The following LDAH variants were observed in gnomAD, a reference collection of about 807,000 sequenced individuals.
LDAH encodes lipid droplet-associated hydrolase.
A neutral mutation model predicts 29.6 loss-of-function variants in LDAH; 26 were observed. That is an observed-to-expected ratio of 0.88 (90% confidence interval 0.64 to 1.22). The LOEUF (loss-of-function observed/expected upper bound fraction) is 1.22, where lower values mean the gene tolerates loss of function less well. Among genes scored for constraint, LDAH ranks in the 50% most tolerant of loss-of-function variants. The pLI, the probability that LDAH is intolerant of heterozygous loss-of-function variation, is 0.00. For missense variants in LDAH, 344 were observed against 387.3 expected, an observed-to-expected ratio of 0.89 and a Z score of 0.94; for synonymous variants, 117 against 133.0, an observed-to-expected ratio of 0.88 and a Z score of 0.83.
intron 2 of LDAH, among the ~76,000 whole-genome samples, chr2:20,800,652 GA>G (rs1471668480): frequency 1.3e-5 from 2 of 150,550 alleles, no homozygotes; most frequent in Admixed American, 6.6e-5. Context: ...ATATTTTTTT[GA>G]GACGGAGTCT....
intron 5 of LDAH, among the ~76,000 whole-genome samples, chr2:20,727,855 A>G (rs1572489721): frequency 6.6e-6 from 1 of 152,218 alleles, no homozygotes; most frequent in East Asian, 1.9e-4. Context: ...AATGACATTG[A>G]TGAACACTGT....
rs184259485 is a variant in LDAH, at chr2:20,754,163, C to T, written c.469-13958G>A. 2.3e-3 allele frequency among the ~76,000 whole-genome samples: 349 copies of T among 152,008 alleles called. 3 individuals carry two copies. The highest frequency in any genetic ancestry group is 7.9e-3 in the African/African-American group (329 of 41,450). Reference sequence around the variant, plus strand: ...ATTGACATGAAAAAAAAGTGCCTCCCCATAGACTCTTTATTCATTGCTAAG... The same window carrying T: ...ATTGACATGAAAAAAAAGTGCCTCCTCATAGACTCTTTATTCATTGCTAAG... On this transcript the variant is annotated intron_variant, in intron 4 of 6. Coordinates refer to ENST00000237822, the MANE Select transcript of LDAH (RefSeq NM_021925.4).
At chr2:20,766,175 C>T (rs528036722) in intron 4 of LDAH, among the ~76,000 whole-genome samples, 2 of 152,012 alleles carry the variant, frequency 1.3e-5, no homozygotes, top group Non-Finnish European at 1.5e-5. Context: ...TTTCATAATA[C>T]ATGCCTTTAC....
At chr2:20,743,531 T>G (rs763093847) in intron 4 of LDAH, among the ~76,000 whole-genome samples, 7 of 152,330 alleles carry the variant, frequency 4.6e-5, no homozygotes, top group Non-Finnish European at 2.9e-5. Flanking sequence ...TTCACTTATA[T>G]GTAAGCATAC....
intron 5 of LDAH, among the ~76,000 whole-genome samples, chr2:20,730,023 T>G (rs1666288880): frequency 6.6e-6 from 1 of 152,202 alleles, no homozygotes; most frequent in South Asian, 2.1e-4. Context: ...TTCTATAATG[T>G]TATCACTTCA....
At chr2:20,779,386 G>C (rs559754173) in intron 3 of LDAH, among the ~76,000 whole-genome samples, 17 of 151,968 alleles carry the variant, frequency 1.1e-4, no homozygotes, top group Non-Finnish European at 1.9e-4. Flanking sequence ...TTACAGGACA[G>C]GTCAATAGGT....
chr2:20,703,282 C>T (rs1034327548), intron 5 of LDAH, among the ~76,000 whole-genome samples: 2 of 152,196 alleles, frequency 1.3e-5, no homozygotes, highest in Non-Finnish European at 2.9e-5. Context: ...CATTTCTAGA[C>T]CCGTTTCCTA....
intron 4 of LDAH, among the ~76,000 whole-genome samples, chr2:20,748,412 G>C (rs1014881620): frequency 6.6e-6 from 1 of 152,166 alleles, no homozygotes; most frequent in Admixed American, 6.5e-5. Context: ...CTGAAACTTA[G>C]CTTCAATATC....
At chr2:20,782,074 T>C (rs1558473287) in intron 3 of LDAH, among the ~76,000 whole-genome samples, 1 of 152,230 alleles carries the variant, frequency 6.6e-6, no homozygotes, top group Non-Finnish European at 1.5e-5. Context: ...CAGTGTTTAT[T>C]GTGAACATCT....
At position 20,685,193 on chromosome 2, in the gene LDAH, A is replaced by G. The variant is rs139712761; in HGVS notation, c.*1710T>C. 349 of 478,902 alleles carry G rather than the reference A, an allele frequency of 7.3e-4. 6 individuals carry two copies. The East Asian group carries it at 0.011, about 16-fold the overall frequency. 29.7% of individuals were successfully genotyped at this position (478,902 alleles called of 1,614,324 possible). ...ATACGTGCAGACTTTTGAAATATGG[A>G]GTAACATTTAAAATAACAGATAAAA... On this transcript the variant is annotated 3_prime_UTR_variant, in exon 7 of 7. Transcript: ENST00000237822.
chr2:20,699,991 T>G (rs1342445255), intron 6 of LDAH, among the ~76,000 whole-genome samples: 1 of 152,162 alleles, frequency 6.6e-6, no homozygotes, highest in Admixed American at 6.5e-5. Context: ...CTCTGACACA[T>G]GATGGGTCTA....
intron 5 of LDAH, among the ~76,000 whole-genome samples, chr2:20,719,396 G>C (rs1003275581): frequency 2.0e-5 from 3 of 151,154 alleles, no homozygotes; most frequent in African/African-American, 7.3e-5. Flanking sequence ...ACAAGTAATG[G>C]ATAAATTCCT....
chr2:20,796,020 G>A (rs1671285798), intron 2 of LDAH, among the ~76,000 whole-genome samples: 1 of 150,122 alleles, frequency 6.7e-6, no homozygotes. Context: ...CTAATGAGCA[G>A]GGCAAACATA....
intron 3 of LDAH, among the ~76,000 whole-genome samples, chr2:20,777,658 C>T (rs1360596797): frequency 1.3e-5 from 2 of 152,150 alleles, no homozygotes; most frequent in African/African-American, 4.8e-5. Context: ...GATCCACCCA[C>T]CTCGGCCTCC....
intron 1 of LDAH, among the ~76,000 whole-genome samples, chr2:20,803,662 C>T (rs1210440002): frequency 6.6e-6 from 1 of 152,164 alleles, no homozygotes; most frequent in African/African-American, 2.4e-5. Flanking sequence ...CCTGCTCACA[C>T]TGTGATTGTG....
At position 20,698,056 on chromosome 2, in the gene LDAH, G is replaced by C. The variant is rs1010216347; in HGVS notation, c.786+3514C>G. Among the ~76,000 whole-genome samples the C allele has an allele frequency of 6.6e-6, 1 of 152,042 alleles. No individual in the cohort carries two copies. The highest frequency in any genetic ancestry group is 2.4e-5 in the African/African-American group (1 of 41,388). On this transcript the variant is annotated intron_variant, in intron 6 of 6. Coordinates refer to ENST00000237822, the MANE Select transcript of LDAH (RefSeq NM_021925.4). The surrounding 1 kb of genome is among the most constrained non-coding windows in gnomAD (Gnocchi z 4.4). The stretch of plus-strand genomic sequence containing the variant: ...TATTTTATGCACTTAACATCATTGT[G>C]AGTAGAATCCAAAAGCTTTATGAGA...
chr2:20,751,979 C>T (rs1396998471), intron 4 of LDAH, among the ~76,000 whole-genome samples: 1 of 152,162 alleles, frequency 6.6e-6, no homozygotes, highest in East Asian at 1.9e-4. Context: ...GCAGCTTCAA[C>T]CTCCTGGGCT....
intron 4 of LDAH, among the ~76,000 whole-genome samples, chr2:20,755,901 A>G (rs957610695): frequency 1.3e-5 from 2 of 152,220 alleles, no homozygotes; most frequent in African/African-American, 4.8e-5. Context: ...GGCTCCAGAA[A>G]AAATATGTAC....
intron 6 of LDAH, among the ~76,000 whole-genome samples, chr2:20,699,801 C>T (rs1250616313): frequency 6.6e-6 from 1 of 152,142 alleles, no homozygotes; most frequent in Non-Finnish European, 1.5e-5. Context: ...ACTTACAGTC[C>T]TGACATAATT....
Sources: allele counts gnomAD v4.1 joint callset (sites outside exome capture counted in the v4.1 genomes callset), GRCh38; gene constraint gnomAD v4.1.1; non-coding constraint Gnocchi (gnomAD v3.1); transcripts MANE v1.5; gene names NCBI Gene and HGNC (gene_info 2026-07-23, HGNC 2026-07-21).